The following BBS9 variants were observed in gnomAD, a reference collection of about 807,000 sequenced individuals.
BBS9 encodes the protein protein PTHB1.
BBS9 carries 89 observed loss-of-function variants against 117.7 expected under a neutral mutation model. That is an observed-to-expected ratio of 0.76 (90% CI 0.64 to 0.90). The LOEUF is 0.90. Ranked by LOEUF, BBS9 falls within the 40% of genes least tolerant of loss-of-function variation. The pLI, the probability that BBS9 is intolerant of heterozygous loss-of-function variation, is 0.00. For synonymous variants in BBS9, 379 were observed against 370.9 expected, an observed-to-expected ratio of 1.02 and a Z score of -0.25; for missense variants, 982 against 1,042.2, an observed-to-expected ratio of 0.94 and a Z score of 0.80.
chr7:33,514,986 A>G (rs1457209889), intron 20 of BBS9, among the ~76,000 whole-genome samples: 1 of 152,184 alleles, frequency 6.6e-6, no homozygotes, highest in Non-Finnish European at 1.5e-5. Flanking sequence ...ACTAATTGAG[A>G]TAAAGTACAT....
chr7:33,389,705 A>G (rs1826708174), intron 19 of BBS9, among the ~76,000 whole-genome samples: 2 of 151,580 alleles, frequency 1.3e-5, no homozygotes. Flanking sequence ...AAAAAAAAAA[A>G]AAAAAAAAAA....
At chr7:33,345,091 C>T (rs1258073023) in intron 12 of BBS9, among the ~76,000 whole-genome samples, 2 of 152,110 alleles carry the variant, frequency 1.3e-5, no homozygotes, top group Admixed American at 6.6e-5. Context: ...GAATTTCCAG[C>T]CATCTCTCTG....
chr7:33,521,809 A>G (rs143759774), intron 20 of BBS9, among the ~76,000 whole-genome samples: 1 of 151,116 alleles, frequency 6.6e-6, no homozygotes, highest in African/African-American at 2.4e-5. Flanking sequence ...GGTTAGTTAC[A>G]TATGTATACA....
intron 21 of BBS9, among the ~76,000 whole-genome samples, chr7:33,594,125 C>T (rs1281340711): frequency 6.6e-6 from 1 of 152,086 alleles, no homozygotes; most frequent in Non-Finnish European, 1.5e-5. Flanking sequence ...AGTGTTCAGC[C>T]TTTACGGGGG....
chr7:33,391,408 A>G (rs1324213550), intron 19 of BBS9, among the ~76,000 whole-genome samples: 3 of 152,206 alleles, frequency 2.0e-5, no homozygotes, highest in African/African-American at 7.2e-5. Flanking sequence ...TCTATGAGAC[A>G]CACATACACA....
intron 4 of BBS9, among the ~76,000 whole-genome samples, chr7:33,168,926 C>T (rs1056642223): frequency 1.3e-5 from 2 of 152,018 alleles, no homozygotes; most frequent in Non-Finnish European, 2.9e-5. Flanking sequence ...CATCATCTAG[C>T]ATTAGGTATA....
At chr7:33,134,871 C>T (rs1790224897) in intron 1 of BBS9, among the ~76,000 whole-genome samples, 1 of 152,174 alleles carries the variant, frequency 6.6e-6, no homozygotes, top group African/African-American at 2.4e-5. Flanking sequence ...GTTGGGATTA[C>T]AGGCGTCAGC....
intron 19 of BBS9, among the ~76,000 whole-genome samples, chr7:33,501,512 A>AT (rs1411082786): frequency 6.6e-6 from 1 of 152,158 alleles, no homozygotes; most frequent in Non-Finnish European, 1.5e-5. Flanking sequence ...CTTCTGTCCG[A>AT]TTGATATATT....
At chr7:33,471,130 A>G (rs893130112) in intron 19 of BBS9, among the ~76,000 whole-genome samples, 10 of 152,202 alleles carry the variant, frequency 6.6e-5, no homozygotes, top group African/African-American at 2.4e-4. Context: ...TGGTTGTTCC[A>G]GTGGCTAGTT....
chr7:33,588,877 G>A (rs928559578), intron 21 of BBS9, among the ~76,000 whole-genome samples: 2 of 152,118 alleles, frequency 1.3e-5, no homozygotes, highest in Non-Finnish European at 2.9e-5. Context: ...ACAGCAAAGA[G>A]GACAGTGAGG....
chr7:33,471,505 G>A (rs1841033671), intron 19 of BBS9, among the ~76,000 whole-genome samples: 1 of 152,178 alleles, frequency 6.6e-6, no homozygotes, highest in African/African-American at 2.4e-5. Context: ...ACTGCAGGTG[G>A]AACAACAGTA....
chr7:33,478,142 T>G (rs186528546), intron 19 of BBS9, among the ~76,000 whole-genome samples: 8 of 152,124 alleles, frequency 5.3e-5, no homozygotes, highest in Non-Finnish European at 1.2e-4. Context: ...ATGAAAGAGG[T>G]GATGAAAGGG....
At chr7:33,171,277 C>T (rs1207233628) in intron 4 of BBS9, among the ~76,000 whole-genome samples, 2 of 151,840 alleles carry the variant, frequency 1.3e-5, no homozygotes, top group Non-Finnish European at 2.9e-5. Flanking sequence ...TGGAACAGAA[C>T]AGAGCCCTCA....
At chr7:33,226,019 C>A (rs1323856708) in intron 5 of BBS9, among the ~76,000 whole-genome samples, 1 of 152,098 alleles carries the variant, frequency 6.6e-6, no homozygotes, top group Non-Finnish European at 1.5e-5. Flanking sequence ...GTTTTGTCTT[C>A]CAACATAGCC....
rs1793411348 is a variant in BBS9, at chr7:33,151,956, C to T, written c.113-745C>T. 2.0e-5 allele frequency among the ~76,000 whole-genome samples: 3 copies of T among 149,660 alleles called. No individual in the cohort carries two copies. In the South Asian group the frequency reaches 6.5e-4, roughly 32 times the overall value. On this transcript the variant is annotated intron_variant, in intron 2 of 22. Coordinates refer to ENST00000242067, the MANE Select transcript of BBS9 (RefSeq NM_198428.3). ...CACTGCAGCCTTGAACTCCTTGGCT[C>T]AAGCAGTCCTTCCACCTCAGCCTCC...
chr7:33,524,400 A>G (rs1039753837), intron 20 of BBS9, among the ~76,000 whole-genome samples: 26 of 152,174 alleles, frequency 1.7e-4, no homozygotes, highest in African/African-American at 5.3e-4. Flanking sequence ...TGGTTGGTAA[A>G]CTATTGATTA....
intron 19 of BBS9, among the ~76,000 whole-genome samples, chr7:33,451,146 C>T (rs1837791558): frequency 6.6e-6 from 1 of 152,056 alleles, no homozygotes; most frequent in African/African-American, 2.4e-5. Context: ...CCTCGGCCTC[C>T]CAAAGTGCTG....
Position 33,558,480 on chromosome 7 carries a change from G to C in BBS9, c.2521+24304G>C, listed in dbSNP as rs751360184. 1.2e-4 allele frequency among the ~76,000 whole-genome samples: 19 copies of C among 152,180 alleles called. 1 individual carries two copies. The highest frequency in any genetic ancestry group is 1.9e-4 in the Non-Finnish European group (13 of 68,040). Reference sequence around the variant, plus strand: ...AGGGCAGGCAAAGGATTCAAAGGAGGTACGAAAGGAGGCCAGGGTGACTGG... The same window carrying C: ...AGGGCAGGCAAAGGATTCAAAGGAGCTACGAAAGGAGGCCAGGGTGACTGG... On this transcript the variant is annotated intron_variant, in intron 21 of 22. Coordinates refer to ENST00000242067, the MANE Select transcript of BBS9 (RefSeq NM_198428.3).
intron 19 of BBS9, among the ~76,000 whole-genome samples, chr7:33,410,035 A>T (rs566542314): frequency 6.6e-6 from 1 of 152,108 alleles, no homozygotes; most frequent in South Asian, 2.1e-4. Flanking sequence ...TACTTATATT[A>T]TTCTGTCTTA....
Sources: gnomAD v4.1 joint callset for allele counts (sites outside exome capture counted in the v4.1 genomes callset) on GRCh38, gnomAD v4.1.1 for gene constraint, MANE v1.5 for transcripts, NCBI Gene and HGNC (gene_info 2026-07-23, HGNC 2026-07-21) for gene names.